Variants in MYH13 observed in about 807,000 individuals in gnomAD.
MYH13 encodes myosin-13.
Under a neutral mutation model 232.1 loss-of-function variants are expected in MYH13, and 177 were observed. The observed-to-expected ratio is 0.76, with a 90% CI of 0.67 to 0.86. The LOEUF is 0.86. Among genes scored for constraint, MYH13 ranks in the 40% least tolerant of loss-of-function variants. The pLI is 0.00. For missense variants in MYH13, 2,246 were observed against 2,405.9 expected (o/e 0.93, Z 1.39); for synonymous variants, 884 against 923.5 (o/e 0.96, Z 0.78).
chr17:10,329,857 G>A (rs994937364), intron 21 of MYH13, among the ~76,000 whole-genome samples: 17 of 152,184 alleles, frequency 1.1e-4, no homozygotes, highest in Admixed American at 7.9e-4. Flanking sequence ...CAAAATAGCC[G>A]GGCGTGGTGG....
At chr17:10,347,170 G>C (rs2071672870) in intron 12 of MYH13, among the ~76,000 whole-genome samples, 1 of 152,190 alleles carries the variant, frequency 6.6e-6, no homozygotes, top group Non-Finnish European at 1.5e-5. Context: ...AGGAGTTCGA[G>C]ATCAGCCTGG....
chr17:10,327,997 C>T lies in MYH13; in HGVS notation c.2560G>A (p.Ala854Thr). 1 of 1,614,106 alleles carries T rather than the reference C, an allele frequency of 6.2e-7. No individual in the cohort carries two copies. ...LKSAEAEKEM[A>T]TMKEDFERTK... The stretch of plus-strand genomic sequence containing the variant: ...CTCTCAAAGTCTTCCTTCATGGTGG[C>T]CATCTCCTTCTCGGCCTCTGCACTC... The change falls in exon 22 of 41, where the codon GCC (alanine) becomes ACC (threonine). Residue 854 changes from alanine (A) to threonine (T), a missense_variant. Ala to Thr is a moderately conservative substitution (Grantham distance 58). Transcript: ENST00000252172.
In MYH13 at chr17:10,345,577, C is replaced by T. The variant is rs750870108; in HGVS notation, c.1303G>A (p.Glu435Lys). The change falls in exon 14 of 41, where the codon GAG becomes AAG. Residue 435 changes from glutamate (E) to lysine (K), a missense_variant. By Grantham distance (56) the Glu-to-Lys change is moderately conservative (BLOSUM62 1). Transcript: ENST00000252172. Reference sequence around the variant, plus strand: ...GTGACCATCCACAGGAACATCTTCTCGTAGACGGCTTTGGCCAGAGCACCC... The same window carrying T: ...GTGACCATCCACAGGAACATCTTCTTGTAGACGGCTTTGGCCAGAGCACCC... ...SVGALAKAVY[E>K]KMFLWMVTRI... 33 of 1,614,040 alleles carry T rather than the reference C, an allele frequency of 2.0e-5. No individual in the cohort carries two copies. Among genetic ancestry groups the T allele is most frequent in the South Asian group, 5.5e-5 (5 of 91,084 alleles).
intron 18 of MYH13, among the ~76,000 whole-genome samples, chr17:10,333,521 C>G (rs1367828537): frequency 2.0e-5 from 3 of 152,234 alleles, no homozygotes; most frequent in Non-Finnish European, 4.4e-5. Context: ...TTGGGCTTCC[C>G]ATGGGATAAC....
At position 10,309,726 on chromosome 17, in the gene MYH13, G is replaced by T. The variant is rs1906436001; in HGVS notation, c.4761C>A (p.Ile1587=). ...GCTGGCTGTTTCTTTTTAGCTGCTC[G>T]ATTTCTTCATCCTTCTCAATGACCT... ...DRKVIEKDEE[I]EQLKRNSQRA... The change falls in exon 34 of 41, where the codon ATC becomes ATA. Residue 1587 remains isoleucine, a synonymous_variant. Transcript: ENST00000252172. The T allele has an allele frequency of 2.5e-6, 4 of 1,603,460 alleles. No individual in the cohort carries two copies. Among genetic ancestry groups the T allele is most frequent in the South Asian group, 1.1e-5 (1 of 89,024 alleles).
In MYH13 at chr17:10,310,507, T is replaced by G. The variant is rs117609699; in HGVS notation, c.4656+596A>C. Among the ~76,000 whole-genome samples, 185 of 152,296 alleles carry G rather than the reference T, an allele frequency of 1.2e-3. 4 individuals are homozygous for G. In the East Asian group the frequency reaches 0.026, roughly 22 times the overall value. On this transcript the variant is annotated intron_variant, in intron 33 of 40. Transcript: ENST00000252172. The stretch of plus-strand genomic sequence containing the variant: ...ATAGTGATGAAACTGGGACTAAAAC[T>G]TTGCATCGCTCATGAACAAATTATT...
At chr17:10,352,357 C>T (rs916503478) in intron 11 of MYH13, among the ~76,000 whole-genome samples, 16 of 152,052 alleles carry the variant, frequency 1.1e-4, no homozygotes, top group African/African-American at 2.9e-4. Flanking sequence ...TTTGGAAGGC[C>T]GAGGTGGGTG....
rs1415554351 is a variant in MYH13, at chr17:10,364,179, T to G, written c.204+148A>C. The G allele has an allele frequency of 4.8e-6, 4 of 829,562 alleles. No individual in the cohort carries two copies. The Admixed American group carries it at 9.8e-5, about 20-fold the overall frequency. 51.4% of individuals were successfully genotyped at this position (829,562 alleles called of 1,614,324 possible). A position where few individuals can be genotyped will look rare whatever the true frequency, so the allele number is the denominator to read the frequency against. ...GAGTGAAGGTGCATGTAATAGCAGC[T>G]TTCATCTGCTACTTCACCGCAGAAC... On this transcript the variant is annotated intron_variant, in intron 3 of 40. Transcript: ENST00000252172.
At chr17:10,323,574 A>G (rs1225078710) in intron 23 of MYH13, among the ~76,000 whole-genome samples, 1 of 151,914 alleles carries the variant, frequency 6.6e-6, no homozygotes, top group Non-Finnish European at 1.5e-5. Context: ...CTTGGCCAAC[A>G]TGGTGAAACT....
rs567533398 is a variant in MYH13, at chr17:10,316,018, A to G, written c.3746T>C (p.Ile1249Thr). The change falls in exon 28 of 41, where the codon ATA (isoleucine) becomes ACA (threonine). Residue 1249 changes from isoleucine (I) to threonine (T), a missense_variant. Physicochemically the swap from Ile to Thr is moderately conservative, Grantham distance 89 (BLOSUM62 -1). Transcript: ENST00000252172. Reference protein sequence around the residue: ...IEALSKSKSNIERTCRTVEDQ... With the variant: ...IEALSKSKSNTERTCRTVEDQ... ...TTCTACCGTCCGGCACGTTCTTTCT[A>G]TGTTACTCTTTAACAAACAGAAAGT... The G allele has an allele frequency of 6.3e-5, 102 of 1,613,976 alleles. 1 individual carries two copies. In the South Asian group the frequency reaches 1.0e-3, roughly 17 times the overall value.
At chr17:10,322,597 GT>G (rs1906995175) in intron 23 of MYH13, among the ~76,000 whole-genome samples, 2 of 148,610 alleles carry the variant, frequency 1.3e-5, no homozygotes, top group African/African-American at 5.0e-5. Context: ...CCACATAGTG[GT>G]TTACAATGTT....
Position 10,345,313 on chromosome 17 carries a change from G to A in MYH13, c.1473C>T (p.Phe491=), listed in dbSNP as rs1225913559. Residue 491 remains phenylalanine, a synonymous_variant, in exon 15 of 41, where the codon TTC becomes TTT. Coordinates refer to ENST00000252172, the MANE Select transcript of MYH13 (RefSeq NM_003802.3). The part of the protein sequence containing the change: ...NFTNEKLQQF[F]NHHMFVLEQE... ...GCTCCAGCACGAACATGTGGTGGTTGAAAAACTGTTGCAGTTTCTCATTGG... is the reference window on the plus strand; with the variant it reads ...GCTCCAGCACGAACATGTGGTGGTTAAAAAACTGTTGCAGTTTCTCATTGG... 6.2e-7 allele frequency: 1 copy of A among 1,614,238 alleles called. No homozygotes were observed. Among genetic ancestry groups the A allele is most frequent in the Admixed American group, 1.7e-5 (1 of 60,028 alleles).
At chr17:10,355,965 T>C (rs2071746558) in intron 8 of MYH13, among the ~76,000 whole-genome samples, 1 of 150,610 alleles carries the variant, frequency 6.6e-6, no homozygotes, top group Non-Finnish European at 1.5e-5. Flanking sequence ...GGGCTCAGGC[T>C]CAGGCCTGGC....
In MYH13 at chr17:10,315,990, ATCT is replaced by A. The variant is rs1416547990; in HGVS notation, c.3771_3773del (p.Glu1257del). 3.1e-6 allele frequency: 5 copies of A among 1,613,994 alleles called. No individual in the cohort carries two copies. The East Asian group carries it at 6.7e-5, about 22-fold the overall frequency. ...CCTTGGCTTTGATTTCACTAAATTG[ATCT>A]TCTACCGTCCGGCACGTTCTTTCTA... is the stretch of plus-strand genomic sequence containing the variant. On this transcript the variant is annotated inframe_deletion, in exon 28 of 41. Coordinates refer to ENST00000252172, the MANE Select transcript of MYH13 (RefSeq NM_003802.3).
chr17:10,322,630 GTTTTTT>G (rs769352001), intron 23 of MYH13, among the ~76,000 whole-genome samples: 2 of 107,562 alleles, frequency 1.9e-5, no homozygotes, highest in African/African-American at 3.6e-5. Flanking sequence ...TGTTACAGTT[GTTTTTT>G]TTTTTTTTTT....
intron 2 of MYH13, among the ~76,000 whole-genome samples, chr17:10,366,669 C>A (rs1027407585): frequency 5.3e-5 from 8 of 152,158 alleles, no homozygotes; most frequent in African/African-American, 1.9e-4. Flanking sequence ...GTGTAAGCCT[C>A]CATGCCCCGC....
intron 8 of MYH13, among the ~76,000 whole-genome samples, chr17:10,355,848 T>C (rs1460949298): frequency 7.6e-6 from 1 of 132,184 alleles, no homozygotes; most frequent in East Asian, 2.3e-4. Flanking sequence ...TTTTTTTTTT[T>C]TTTTTTTTTT....
intron 33 of MYH13, 67 bp downstream of exon 33, chr17:10,311,036 G>A: frequency 6.3e-7 from 1 of 1,594,168 alleles, no homozygotes; most frequent in South Asian, 1.1e-5. Flanking sequence ...CCATGGGGTG[G>A]TGAAGGGCAG....
intron 29 of MYH13, among the ~76,000 whole-genome samples, chr17:10,314,620 C>T (rs996067974): frequency 2.0e-5 from 3 of 152,144 alleles, no homozygotes; most frequent in Non-Finnish European, 2.9e-5. Context: ...AAATATGGCG[C>T]TTGTCCTTTT....
Sources: allele counts gnomAD v4.1 joint callset (sites outside exome capture counted in the v4.1 genomes callset), GRCh38; gene constraint gnomAD v4.1.1; transcripts MANE v1.5; gene names NCBI Gene and HGNC (gene_info 2026-07-23, HGNC 2026-07-21).